ENTREP2: variants seen among roughly 807,000 people sequenced by gnomAD.
ENTREP2 encodes the protein protein ENTREP2.
At chr15:29,188,219 TTTG>T in the ENTREP2 span, among the ~76,000 whole-genome samples, 6 of 152,026 alleles carry the variant, frequency 3.9e-5, no homozygotes, top group East Asian at 1.9e-4. Context: ...AGGTAATCTT[TTTG>T]TTGTTGTTTA....
chr15:29,330,705 T>C, the ENTREP2 span, among the ~76,000 whole-genome samples: 1 of 152,084 alleles, frequency 6.6e-6, no homozygotes, highest in Admixed American at 6.5e-5. Context: ...CAAAAAACAT[T>C]AGGTAAAAAC....
the ENTREP2 span, among the ~76,000 whole-genome samples, chr15:29,420,650 TAAAC>T: frequency 6.6e-6 from 1 of 152,004 alleles, no homozygotes; most frequent in Non-Finnish European, 1.5e-5. Context: ...TATGAAGAAA[TAAAC>T]AACCTAGAGG....
At chr15:29,656,791 G>A in the ENTREP2 span, among the ~76,000 whole-genome samples, 5 of 151,954 alleles carry the variant, frequency 3.3e-5, no homozygotes, top group African/African-American at 1.2e-4. Flanking sequence ...AAAACAGTTC[G>A]TTTCTTCTAA....
At chr15:29,591,898 A>AAGAAGG in the ENTREP2 span, among the ~76,000 whole-genome samples, 39 of 145,908 alleles carry the variant, frequency 2.7e-4, no homozygotes, top group Non-Finnish European at 4.5e-4. Context: ...GAAGAAGAAG[A>AAGAAGG]GAGAAAACAC....
the ENTREP2 span, among the ~76,000 whole-genome samples, chr15:29,421,444 G>T: frequency 1.3e-5 from 2 of 152,192 alleles, no homozygotes; most frequent in Non-Finnish European, 2.9e-5. Flanking sequence ...AGCAGAATTT[G>T]TATCTTATTT....
the ENTREP2 span, among the ~76,000 whole-genome samples, chr15:29,543,216 G>A: frequency 1.3e-5 from 2 of 152,128 alleles, no homozygotes; most frequent in African/African-American, 4.8e-5. Flanking sequence ...TCATAATAGT[G>A]TCCATTAATG....
the ENTREP2 span, among the ~76,000 whole-genome samples, chr15:29,654,554 C>T: frequency 2.0e-5 from 3 of 152,164 alleles, no homozygotes; most frequent in Non-Finnish European, 4.4e-5. Context: ...TTCTATCAAG[C>T]ATGTTTTACA....
At chr15:29,414,155 G>C in the ENTREP2 span, among the ~76,000 whole-genome samples, 1 of 152,134 alleles carries the variant, frequency 6.6e-6, no homozygotes, top group Non-Finnish European at 1.5e-5. Context: ...GGACCTAATA[G>C]ACATCTACAG....
At chr15:29,334,747 C>G in the ENTREP2 span, among the ~76,000 whole-genome samples, 2 of 152,154 alleles carry the variant, frequency 1.3e-5, no homozygotes, top group Non-Finnish European at 2.9e-5. Flanking sequence ...AGAGGTGACA[C>G]TCTGGGACAC....
chr15:29,484,637 C>T, the ENTREP2 span, among the ~76,000 whole-genome samples: 1 of 152,000 alleles, frequency 6.6e-6, no homozygotes, highest in Admixed American at 6.6e-5. Flanking sequence ...TTATAATATG[C>T]AAAAAACAGA....
the ENTREP2 span, among the ~76,000 whole-genome samples, chr15:29,585,540 A>G: frequency 1.3e-5 from 2 of 152,168 alleles, no homozygotes; most frequent in Non-Finnish European, 2.9e-5. Flanking sequence ...TGGAGCCTTT[A>G]TACAGCCAGT....
At chr15:29,570,849 G>T in the ENTREP2 span, 3 of 228,464 alleles carry the variant, frequency 1.3e-5, no homozygotes, top group Non-Finnish European at 2.1e-5. Context: ...GGCTGCCAGG[G>T]CTGCGGCGGC....
At chr15:29,451,120 G>C in the ENTREP2 span, among the ~76,000 whole-genome samples, 2 of 152,160 alleles carry the variant, frequency 1.3e-5, no homozygotes, top group African/African-American at 4.8e-5. Flanking sequence ...AAAAAGAAGT[G>C]TTAACAGCTC....
At chr15:29,444,238 GAAAGAA>G in the ENTREP2 span, among the ~76,000 whole-genome samples, 4 of 142,640 alleles carry the variant, frequency 2.8e-5, no homozygotes, top group Non-Finnish European at 4.7e-5. Context: ...AAGAAAGAAA[GAAAGAA>G]AGAAAGAGAA....
chr15:29,297,843 C>A, the ENTREP2 span, among the ~76,000 whole-genome samples: 2 of 151,870 alleles, frequency 1.3e-5, no homozygotes, highest in African/African-American at 4.8e-5. Flanking sequence ...GAAAAATGAC[C>A]CATTAAGATA....
At chr15:29,268,947 T>C in the ENTREP2 span, 2 of 1,614,104 alleles carry the variant, frequency 1.2e-6, no homozygotes, top group Admixed American at 3.3e-5. Context: ...CCAGGTTGGT[T>C]CGCGGGCCCC....
At chr15:29,621,148 G>A in the ENTREP2 span, among the ~76,000 whole-genome samples, 3 of 152,074 alleles carry the variant, frequency 2.0e-5, no homozygotes, top group South Asian at 2.1e-4. Context: ...CCAGCACTTT[G>A]GGAGGCCGAG....
chr15:29,158,826 ATG>A, the ENTREP2 span, among the ~76,000 whole-genome samples: 2 of 152,170 alleles, frequency 1.3e-5, no homozygotes, highest in African/African-American at 4.8e-5. Context: ...TAAGGAAGTT[ATG>A]TATCTAATAA....
the ENTREP2 span, among the ~76,000 whole-genome samples, chr15:29,349,265 TCA>T: frequency 1.3e-5 from 2 of 151,920 alleles, no homozygotes; most frequent in Admixed American, 1.3e-4. Flanking sequence ...ATGAGAAGAC[TCA>T]GTTTTATGTC....
Sources: gnomAD v4.1 joint callset for allele counts (sites outside exome capture counted in the v4.1 genomes callset) on GRCh38, gnomAD v4.1.1 for gene constraint, MANE v1.5 for transcripts, NCBI Gene and HGNC (gene_info 2026-07-23, HGNC 2026-07-21) for gene names.